The following MARCHF1 variants were observed in gnomAD, a reference collection of about 807,000 sequenced individuals.
The protein encoded by MARCHF1 is membrane associated ring-CH-type finger 1.
MARCHF1 carries 40 observed loss-of-function variants against 54.2 expected under a neutral mutation model. That is an observed-to-expected ratio of 0.74 (90% CI 0.57 to 0.96). The LOEUF (loss-of-function observed/expected upper bound fraction) is 0.96. Among genes scored for constraint, MARCHF1 ranks in the 40% least tolerant of loss-of-function variants. The probability of loss-of-function intolerance (pLI) is 0.00; values close to 1 mark genes in which losing one functional copy is unlikely to be tolerated. For missense variants in MARCHF1, 586 were observed against 656.5 expected (o/e 0.89, Z 1.17); for synonymous variants, 236 against 236.3 (o/e 1.00, Z 0.01).
In MARCHF1 at chr4:164,150,189, A is replaced by T. The variant is rs544377172; in HGVS notation, c.-322-38527T>A. 2.1e-4 allele frequency among the ~76,000 whole-genome samples: 32 copies of T among 152,324 alleles called. 1 individual carries two copies. The South Asian group carries it at 6.4e-3, about 31-fold the overall frequency. On this transcript the variant is annotated intron_variant, in intron 1 of 9. Transcript: ENST00000514618. The stretch of plus-strand genomic sequence containing the variant: ...AGAATCTGTCACAGAGGTCAAATAC[A>T]TAAATTTTATTCTTAGAGTTTACCT...
At chr4:163,589,152 C>T (rs960402418) in intron 7 of MARCHF1, among the ~76,000 whole-genome samples, 2 of 150,956 alleles carry the variant, frequency 1.3e-5, no homozygotes, top group African/African-American at 4.9e-5. Flanking sequence ...TCTACAGGCA[C>T]CAAAAAGATT....
At chr4:163,770,168 A>T (rs1457555453) in intron 4 of MARCHF1, among the ~76,000 whole-genome samples, 1 of 152,160 alleles carries the variant, frequency 6.6e-6, no homozygotes, top group Non-Finnish European at 1.5e-5. Flanking sequence ...GGTTATGGTC[A>T]ACAATAGGCT....
intron 3 of MARCHF1, among the ~76,000 whole-genome samples, chr4:163,900,363 C>T (rs1750913342): frequency 1.3e-5 from 2 of 150,868 alleles, no homozygotes; most frequent in Non-Finnish European, 3.0e-5. Flanking sequence ...AAAAAACTCT[C>T]CAATGTTTAC....
intron 1 of MARCHF1, among the ~76,000 whole-genome samples, chr4:164,254,206 C>G (rs1012952134): frequency 6.6e-6 from 1 of 151,808 alleles, no homozygotes; most frequent in Non-Finnish European, 1.5e-5. Flanking sequence ...TGTGTGCCAC[C>G]ATGCCTGGCT....
intron 1 of MARCHF1, among the ~76,000 whole-genome samples, chr4:164,211,308 C>T (rs1731763069): frequency 7.2e-6 from 1 of 139,554 alleles, no homozygotes; most frequent in African/African-American, 2.7e-5. Flanking sequence ...CACATTGCAA[C>T]CTGCATATGT....
intron 1 of MARCHF1, among the ~76,000 whole-genome samples, chr4:164,349,990 TTTC>T (rs1343019161): frequency 6.6e-6 from 1 of 152,222 alleles, no homozygotes; most frequent in African/African-American, 2.4e-5. Flanking sequence ...CAAGCTTCAG[TTTC>T]TTCATTACAA....
chr4:164,217,609 T>C (rs772951022), intron 1 of MARCHF1, among the ~76,000 whole-genome samples: 1 of 152,188 alleles, frequency 6.6e-6, no homozygotes, highest in Non-Finnish European at 1.5e-5. Flanking sequence ...CCTTGGATGA[T>C]AAAGACTCTT....
chr4:164,369,851 A>G (rs1322144506), intron 1 of MARCHF1, among the ~76,000 whole-genome samples: 3 of 152,240 alleles, frequency 2.0e-5, no homozygotes, highest in African/African-American at 4.8e-5. Flanking sequence ...AAAGCAAACT[A>G]TGAGAATAAA....
chr4:163,531,463 G>A (rs766713478), intron 9 of MARCHF1, among the ~76,000 whole-genome samples: 14 of 151,710 alleles, frequency 9.2e-5, no homozygotes, highest in Non-Finnish European at 1.8e-4. Flanking sequence ...TCCTTAATGC[G>A]ATAAAGAACA....
chr4:163,683,185 A>G (rs1030455526), intron 5 of MARCHF1, among the ~76,000 whole-genome samples: 2 of 152,182 alleles, frequency 1.3e-5, no homozygotes, highest in Non-Finnish European at 2.9e-5. Flanking sequence ...GCAATTTGCA[A>G]AAGAAAGAGG....
chr4:164,354,347 T>C (rs1180713081), intron 1 of MARCHF1, among the ~76,000 whole-genome samples: 5 of 136,042 alleles, frequency 3.7e-5, no homozygotes, highest in African/African-American at 1.4e-4. Flanking sequence ...TGATGAACAT[T>C]GATGCAAAAA....
chr4:163,529,451 G>T lies in MARCHF1; in HGVS notation c.1340-405C>A, dbSNP rs560289856. On this transcript the variant is annotated intron_variant, in intron 9 of 9. Coordinates refer to ENST00000514618, the MANE Select transcript of MARCHF1 (RefSeq NM_001394959.1). ...TTTAAAATCCTTCTAAGAAGATGAG[G>T]TATAGGTACATGTATGGGTTTGTAT... 3.9e-5 allele frequency among the ~76,000 whole-genome samples: 6 copies of T among 152,128 alleles called. No individual in the cohort carries two copies. In the South Asian group the frequency reaches 1.2e-3, roughly 32 times the overall value.
chr4:164,329,712 G>A (rs74930859), intron 1 of MARCHF1, among the ~76,000 whole-genome samples: 16,441 of 152,146 alleles, frequency 0.11, 1,458 homozygotes, highest in East Asian at 0.29. Context: ...CACGTCACAC[G>A]GCAAAAGAAG....
chr4:164,083,154 G>T (rs149657010), intron 2 of MARCHF1, among the ~76,000 whole-genome samples: 2 of 152,220 alleles, frequency 1.3e-5, no homozygotes, highest in African/African-American at 4.8e-5. Context: ...TTGCTAAGGT[G>T]ATGCCTCTTC....
At chr4:163,809,378 G>A (rs1748320654) in intron 4 of MARCHF1, among the ~76,000 whole-genome samples, 2 of 152,120 alleles carry the variant, frequency 1.3e-5, no homozygotes, top group Admixed American at 1.3e-4. Context: ...TGTGACATTT[G>A]CATTTTATAA....
intron 5 of MARCHF1, among the ~76,000 whole-genome samples, chr4:163,628,736 C>A (rs557725271): frequency 6.6e-6 from 1 of 152,310 alleles, no homozygotes; most frequent in African/African-American, 2.4e-5. Flanking sequence ...AAATCACAAG[C>A]ATTCCTATAC....
chr4:164,084,854 T>G (rs1755164381), intron 2 of MARCHF1, among the ~76,000 whole-genome samples: 1 of 151,818 alleles, frequency 6.6e-6, no homozygotes, highest in Admixed American at 6.6e-5. Context: ...CATTGATGAC[T>G]TTATCACAAT....
In MARCHF1 at chr4:163,594,726, C is replaced by A. The variant is rs992627902; in HGVS notation, c.1011-8797G>T. 2.0e-5 allele frequency among the ~76,000 whole-genome samples: 3 copies of A among 148,252 alleles called. No individual in the cohort carries two copies. The East Asian group carries it at 6.1e-4, about 30-fold the overall frequency. On this transcript the variant is annotated intron_variant, in intron 7 of 9. Coordinates refer to ENST00000514618, the MANE Select transcript of MARCHF1 (RefSeq NM_001394959.1). ...TCAGAGTCACAGTGAAATGTCACCT[C>A]GCACCCATCAGAATGGCTATTATCA...
intron 2 of MARCHF1, among the ~76,000 whole-genome samples, chr4:164,091,308 AAT>A (rs1356129616): frequency 6.6e-6 from 1 of 151,540 alleles, no homozygotes; most frequent in African/African-American, 2.4e-5. Flanking sequence ...AATATTGTTA[AAT>A]ATTCGAAACA....
Sources: allele counts gnomAD v4.1 joint callset (sites outside exome capture counted in the v4.1 genomes callset), GRCh38; gene constraint gnomAD v4.1.1; transcripts MANE v1.5; gene names NCBI Gene and HGNC (gene_info 2026-07-23, HGNC 2026-07-21).